Variants in TSPAN9 observed in about 807,000 individuals in gnomAD.
TSPAN9 encodes the protein tetraspanin-9.
In TSPAN9, 16 loss-of-function variants were observed where a neutral mutation model predicts 31.0. That is an observed-to-expected ratio of 0.52 (90% confidence interval 0.35 to 0.78). The LOEUF (loss-of-function observed/expected upper bound fraction) is 0.78, where lower values mean the gene tolerates loss of function less well. TSPAN9 is among the 30% of genes least tolerant of loss of function. The pLI is 0.01. For synonymous variants in TSPAN9, 145 were observed against 121.6 expected (o/e 1.19, Z -1.27); for missense variants, 272 against 312.5 (o/e 0.87, Z 0.98).
intron 3 of TSPAN9, among the ~76,000 whole-genome samples, chr12:3,243,577 C>G (rs922890463): frequency 2.0e-5 from 3 of 152,162 alleles, no homozygotes; most frequent in Non-Finnish European, 4.4e-5. Flanking sequence ...AGGGCACAGC[C>G]AGATCACGGC....
chr12:3,136,915 C>T (rs115231851), intron 2 of TSPAN9, among the ~76,000 whole-genome samples: 7,064 of 152,250 alleles, frequency 0.046, 539 homozygotes, highest in African/African-American at 0.16. Context: ...ACTGTGGAGC[C>T]GCCAGGTGGT....
At chr12:3,254,169 T>G (rs1455187551) in intron 3 of TSPAN9, among the ~76,000 whole-genome samples, 1 of 152,214 alleles carries the variant, frequency 6.6e-6, no homozygotes, top group Admixed American at 6.5e-5. Context: ...CTGACAGTAG[T>G]CACTCCTGCA....
chr12:3,148,483 G>A (rs546084301), intron 2 of TSPAN9, among the ~76,000 whole-genome samples: 150 of 152,334 alleles, frequency 9.8e-4, no homozygotes, highest in Non-Finnish European at 1.8e-3. Context: ...AGCACCTGCG[G>A]CCTGTGAGGT....
chr12:3,161,813 A>ATCTATCTATCTG (rs1284839899), intron 2 of TSPAN9, among the ~76,000 whole-genome samples: 1 of 128,262 alleles, frequency 7.8e-6, no homozygotes, highest in Non-Finnish European at 1.8e-5. Flanking sequence ...CTATCTATCT[A>ATCTATCTATCTG]TCTGTCTGTC....
Position 3,284,219 on chromosome 12 carries a change from A to G in TSPAN9, c.*1103A>G, listed in dbSNP as rs1419345465. The G allele has an allele frequency of 6.6e-6, 1 of 152,668 alleles. No individual in the cohort carries two copies. The highest frequency in any genetic ancestry group is 1.5e-5 in the Non-Finnish European group (1 of 68,052). 9.5% of individuals were successfully genotyped at this position (152,668 alleles called of 1,614,324 possible). ...ACATTCCTGCTAGAAACTGTCAGAC[A>G]AATACCTCTCTAGTTCGGATGCTGC... On this transcript the variant is annotated 3_prime_UTR_variant, in exon 9 of 9. Coordinates refer to ENST00000011898, the MANE Select transcript of TSPAN9 (RefSeq NM_006675.5).
intron 2 of TSPAN9, among the ~76,000 whole-genome samples, chr12:3,164,439 A>C (rs1250819465): frequency 6.6e-6 from 1 of 152,214 alleles, no homozygotes; most frequent in African/African-American, 2.4e-5. Flanking sequence ...CCTTGATTTG[A>C]AATAAAAGTT....
chr12:3,270,848 C>A (rs1196217391), intron 3 of TSPAN9, among the ~76,000 whole-genome samples: 1 of 152,238 alleles, frequency 6.6e-6, no homozygotes, highest in East Asian at 1.9e-4. Flanking sequence ...ACAGGACTCA[C>A]TCTCAACTGC....
At chr12:3,130,891 G>A (rs1791166902) in intron 2 of TSPAN9, among the ~76,000 whole-genome samples, 1 of 152,080 alleles carries the variant, frequency 6.6e-6, no homozygotes, top group Admixed American at 6.6e-5. Context: ...CAGTGCTCTT[G>A]GATCACTCCC....
chr12:3,122,218 T>C (rs12831842), intron 2 of TSPAN9, among the ~76,000 whole-genome samples: 6,542 of 151,592 alleles, frequency 0.043, 175 homozygotes, highest in Non-Finnish European at 0.068. Context: ...CCTGTAGTCC[T>C]AGCTACTCAG....
intron 3 of TSPAN9, among the ~76,000 whole-genome samples, chr12:3,275,229 C>G (rs535327085): frequency 6.6e-6 from 1 of 152,170 alleles, no homozygotes; most frequent in Non-Finnish European, 1.5e-5. Flanking sequence ...AGAGAGGGCT[C>G]GGAAGGGGCC....
At chr12:3,093,243 G>T (rs1020425713) in intron 2 of TSPAN9, among the ~76,000 whole-genome samples, 3 of 152,214 alleles carry the variant, frequency 2.0e-5, no homozygotes, top group African/African-American at 7.2e-5. Flanking sequence ...AGCTGGCTTT[G>T]GTTGTGCTGT....
chr12:3,249,226 T>C (rs1299979458), intron 3 of TSPAN9, among the ~76,000 whole-genome samples: 1 of 152,028 alleles, frequency 6.6e-6, no homozygotes, highest in African/African-American at 2.4e-5. Flanking sequence ...CAGCTGCGAG[T>C]CTTTCTCAAT....
At chr12:3,122,403 C>T (rs569839873) in intron 2 of TSPAN9, among the ~76,000 whole-genome samples, 33 of 152,010 alleles carry the variant, frequency 2.2e-4, no homozygotes, top group African/African-American at 4.1e-4. Flanking sequence ...CAGCGTTGAT[C>T]GGCTGAGTAG....
At chr12:3,131,162 C>T (rs2098329689) in intron 2 of TSPAN9, among the ~76,000 whole-genome samples, 2 of 150,448 alleles carry the variant, frequency 1.3e-5, no homozygotes, top group Non-Finnish European at 2.9e-5. Context: ...TTTATGGAGC[C>T]CTTTACGTGC....
At chr12:3,197,243 C>A (rs1442476610) in intron 2 of TSPAN9, among the ~76,000 whole-genome samples, 1 of 152,214 alleles carries the variant, frequency 6.6e-6, no homozygotes, top group Non-Finnish European at 1.5e-5. Flanking sequence ...GGTAAATGAT[C>A]TATCCCTGCA....
chr12:3,195,543 G>A (rs191898470), intron 2 of TSPAN9, among the ~76,000 whole-genome samples: 82 of 152,282 alleles, frequency 5.4e-4, no homozygotes, highest in African/African-American at 1.9e-3. Context: ...GAGAATGATC[G>A]GGAGCTGCCA....
chr12:3,103,634 T>C (rs2098312851), intron 2 of TSPAN9, among the ~76,000 whole-genome samples: 1 of 152,176 alleles, frequency 6.6e-6, no homozygotes, highest in Non-Finnish European at 1.5e-5. Context: ...TAGACACTGC[T>C]CCTGTTGTCT....
At chr12:3,205,872 T>G (rs553003465) in intron 3 of TSPAN9, among the ~76,000 whole-genome samples, 1 of 152,150 alleles carries the variant, frequency 6.6e-6, no homozygotes, top group East Asian at 1.9e-4. Flanking sequence ...TCCTGGAATG[T>G]GGCCGTGAGG....
At chr12:3,123,039 G>A (rs896809910) in intron 2 of TSPAN9, among the ~76,000 whole-genome samples, 7 of 152,172 alleles carry the variant, frequency 4.6e-5, no homozygotes, top group Non-Finnish European at 8.8e-5. Context: ...CAAACAGGGA[G>A]GCGGCCCCAC....
Sources: gnomAD v4.1 joint callset for allele counts (sites outside exome capture counted in the v4.1 genomes callset) on GRCh38, gnomAD v4.1.1 for gene constraint, MANE v1.5 for transcripts, NCBI Gene and HGNC (gene_info 2026-07-23, HGNC 2026-07-21) for gene names.